HYCC2: variants seen among roughly 807,000 people sequenced by gnomAD.
HYCC2 encodes the protein hyccin PI4KA lipid kinase complex subunit 2, also known as hyccin 2.
the HYCC2 span, among the ~76,000 whole-genome samples, chr2:200,993,927 G>A: frequency 3.3e-5 from 5 of 151,790 alleles, no homozygotes; most frequent in South Asian, 2.1e-4. Flanking sequence ...CCGAGATCAC[G>A]CCACTTCACT....
the HYCC2 span, chr2:201,066,977 T>C: frequency 3.5e-6 from 1 of 281,772 alleles, no homozygotes; most frequent in Non-Finnish European, 7.0e-6. Context: ...CTGACCAGAG[T>C]TCACCATGAA....
At chr2:201,021,763 A>C in the HYCC2 span, 4 of 251,710 alleles carry the variant, frequency 1.6e-5, no homozygotes, top group Middle Eastern at 1.5e-3. Flanking sequence ...AACAAGGGGT[A>C]GGGAATACAC....
chr2:200,973,824 A>G, the HYCC2 span: 1 of 152,178 alleles, frequency 6.6e-6, no homozygotes, highest in Admixed American at 6.5e-5. Context: ...TCTCAAACAC[A>G]GTATTTTAAC....
chr2:201,043,289 T>C, the HYCC2 span, among the ~76,000 whole-genome samples: 1 of 152,016 alleles, frequency 6.6e-6, no homozygotes, highest in African/African-American at 2.4e-5. Context: ...ACACAAACAC[T>C]GCGGAAGGTG....
chr2:201,006,307 T>C, the HYCC2 span, among the ~76,000 whole-genome samples: 2 of 150,958 alleles, frequency 1.3e-5, no homozygotes, highest in Non-Finnish European at 3.0e-5. Flanking sequence ...TTTTTTTTTT[T>C]TTTTGTATTT....
chr2:201,033,155 GTGTA>G, the HYCC2 span, among the ~76,000 whole-genome samples: 1,314 of 131,380 alleles, frequency 0.01, 12 homozygotes, highest in African/African-American at 0.029. Context: ...TTGTATGTGT[GTGTA>G]TGTGTGTGTG....
At chr2:201,055,612 T>C in the HYCC2 span, among the ~76,000 whole-genome samples, 1 of 152,056 alleles carries the variant, frequency 6.6e-6, no homozygotes, top group Non-Finnish European at 1.5e-5. Context: ...GGTGAGAGGA[T>C]CACTTAAGCC....
the HYCC2 span, among the ~76,000 whole-genome samples, chr2:201,069,103 T>C: frequency 2.0e-5 from 3 of 152,200 alleles, no homozygotes; most frequent in Non-Finnish European, 4.4e-5. Context: ...CTATGTAGCA[T>C]TGGTTTTTCT....
chr2:200,993,051 A>C, the HYCC2 span: 2 of 1,302,924 alleles, frequency 1.5e-6, no homozygotes, highest in South Asian at 2.5e-5. Flanking sequence ...TCATCAAATA[A>C]AATAGTTTTT....
At chr2:201,055,231 A>G in the HYCC2 span, among the ~76,000 whole-genome samples, 2 of 151,820 alleles carry the variant, frequency 1.3e-5, no homozygotes, top group Non-Finnish European at 2.9e-5. Context: ...CATCTTAACC[A>G]TTTTTAATGT....
the HYCC2 span, among the ~76,000 whole-genome samples, chr2:201,000,238 T>C: frequency 2.0e-5 from 3 of 151,290 alleles, no homozygotes; most frequent in East Asian, 1.9e-4. Flanking sequence ...TAGCGGGCCA[T>C]GGTGGTAGTC....
chr2:201,021,663 C>CCA, the HYCC2 span: 1 of 175,898 alleles, frequency 5.7e-6, no homozygotes, highest in Middle Eastern at 2.6e-3. Context: ...GAATATCTGA[C>CCA]CACTGCCCAT....
the HYCC2 span, among the ~76,000 whole-genome samples, chr2:201,034,649 A>C: frequency 6.6e-6 from 1 of 152,154 alleles, no homozygotes; most frequent in South Asian, 2.1e-4. Flanking sequence ...TCCTGTCATT[A>C]TGATGTTAGC....
the HYCC2 span, among the ~76,000 whole-genome samples, chr2:201,042,615 T>A: frequency 3.4e-5 from 5 of 146,092 alleles, no homozygotes; most frequent in Non-Finnish European, 7.5e-5. Flanking sequence ...AGCCGCCCCG[T>A]CTGGGGGAGC....
At chr2:201,063,705 G>A in the HYCC2 span, 12 of 1,577,338 alleles carry the variant, frequency 7.6e-6, no homozygotes, top group South Asian at 2.2e-5. Flanking sequence ...GGTGGTGGTC[G>A]TGGAGGTGGT....
the HYCC2 span, among the ~76,000 whole-genome samples, chr2:200,984,067 T>G: frequency 6.6e-6 from 1 of 152,130 alleles, no homozygotes; most frequent in Middle Eastern, 3.4e-3. Context: ...TGAGACAAGG[T>G]CTCACTCTGT....
At chr2:201,034,142 G>C in the HYCC2 span, among the ~76,000 whole-genome samples, 1 of 151,200 alleles carries the variant, frequency 6.6e-6, no homozygotes, top group Non-Finnish European at 1.5e-5. Flanking sequence ...AAATATAGTG[G>C]TATTAATTAT....
chr2:201,017,205 T>G, the HYCC2 span: 1 of 1,545,820 alleles, frequency 6.5e-7, no homozygotes. Context: ...GTCATTTCAA[T>G]TCTTTTGGTT....
chr2:200,974,513 A>G, the HYCC2 span: 3 of 151,984 alleles, frequency 2.0e-5, no homozygotes, highest in Non-Finnish European at 4.4e-5. Context: ...CTTATTACAA[A>G]TATTTTTAAA....
Sources: allele counts gnomAD v4.1 joint callset (sites outside exome capture counted in the v4.1 genomes callset), GRCh38; gene constraint gnomAD v4.1.1; transcripts MANE v1.5; gene names NCBI Gene and HGNC (gene_info 2026-07-23, HGNC 2026-07-21).